Variants in MED27 observed in about 807,000 individuals in gnomAD.
MED27 encodes mediator complex subunit 27.
A neutral mutation model predicts 38.2 loss-of-function variants in MED27; 30 were observed. That is an observed-to-expected ratio of 0.79 (90% confidence interval 0.59 to 1.07). MED27 has a LOEUF of 1.07. MED27 is among the 50% of genes least tolerant of loss of function. MED27 has a pLI of 0.00. For synonymous variants in MED27, 122 were observed against 153.5 expected (o/e 0.79, Z 1.52); for missense variants, 289 against 397.5 (o/e 0.73, Z 2.32).
chr9:132,032,843 C>T (rs1367933798), intron 2 of MED27, among the ~76,000 whole-genome samples: 2 of 151,934 alleles, frequency 1.3e-5, no homozygotes, highest in Non-Finnish European at 2.9e-5. Flanking sequence ...ATGGGGATCA[C>T]CTAGTCCCGC....
chr9:131,863,202 A>G, intron 6 of MED27, 62 bp from the exon 7 acceptor site: 1 of 1,353,466 alleles, frequency 7.4e-7, no homozygotes, highest in Non-Finnish European at 1.1e-6. Flanking sequence ...GAAAACAAGC[A>G]GGACAAATGC....
At chr9:131,943,903 A>G (rs1830834005) in intron 3 of MED27, among the ~76,000 whole-genome samples, 1 of 152,202 alleles carries the variant, frequency 6.6e-6, no homozygotes, top group Admixed American at 6.5e-5. Context: ...GATTCAAATC[A>G]AGGTATGATC....
At chr9:131,882,065 CTCTT>C (rs1485797234) in intron 6 of MED27, among the ~76,000 whole-genome samples, 1 of 152,034 alleles carries the variant, frequency 6.6e-6, no homozygotes, top group Non-Finnish European at 1.5e-5. Flanking sequence ...CATTAGTAAC[CTCTT>C]TCTGTTTCAG....
intron 3 of MED27, among the ~76,000 whole-genome samples, chr9:132,001,285 G>A (rs1383229213): frequency 6.6e-6 from 1 of 152,072 alleles, no homozygotes; most frequent in Admixed American, 6.6e-5. Flanking sequence ...TTATGTTTGA[G>A]TAAGGTGATA....
At chr9:132,037,846 G>A (rs746122276) in intron 2 of MED27, among the ~76,000 whole-genome samples, 2 of 152,054 alleles carry the variant, frequency 1.3e-5, no homozygotes, top group East Asian at 1.9e-4. Flanking sequence ...AACATGTCCC[G>A]ACCCCAGACA....
At chr9:132,037,050 G>C (rs1213500146) in intron 2 of MED27, among the ~76,000 whole-genome samples, 2 of 152,180 alleles carry the variant, frequency 1.3e-5, no homozygotes, top group Non-Finnish European at 2.9e-5. Flanking sequence ...TAAAGAAAAT[G>C]AAAGAAGCTG....
intron 2 of MED27, among the ~76,000 whole-genome samples, chr9:132,020,458 C>T (rs1292393593): frequency 3.3e-5 from 5 of 152,150 alleles, no homozygotes; most frequent in East Asian, 1.9e-4. Context: ...ATGTGTGTTG[C>T]GACACTGCAA....
At chr9:131,976,041 T>C (rs1017048917) in intron 3 of MED27, among the ~76,000 whole-genome samples, 2 of 151,988 alleles carry the variant, frequency 1.3e-5, no homozygotes, top group African/African-American at 2.4e-5. Flanking sequence ...GGGTGTGAGG[T>C]AGGCAGTTTT....
chr9:131,989,978 C>T (rs1200306698), intron 3 of MED27, among the ~76,000 whole-genome samples: 1 of 152,150 alleles, frequency 6.6e-6, no homozygotes, highest in African/African-American at 2.4e-5. Context: ...CTTCAGCTTG[C>T]AACCAAGGCA....
chr9:132,022,254 G>A (rs969552892), intron 2 of MED27, among the ~76,000 whole-genome samples: 2 of 152,142 alleles, frequency 1.3e-5, no homozygotes, highest in African/African-American at 4.8e-5. Flanking sequence ...AGCTAAGGTT[G>A]AACCACCCCA....
At chr9:131,945,359 A>G (rs1234889428) in intron 3 of MED27, among the ~76,000 whole-genome samples, 1 of 152,040 alleles carries the variant, frequency 6.6e-6, no homozygotes, top group Non-Finnish European at 1.5e-5. Context: ...GTTTTGAAAT[A>G]TGCATATATT....
intron 2 of MED27, among the ~76,000 whole-genome samples, chr9:132,055,073 C>T (rs1329202399): frequency 6.6e-6 from 1 of 152,186 alleles, no homozygotes; most frequent in African/African-American, 2.4e-5. Context: ...TCCTTGCTGT[C>T]CCCCTCACTG....
At chr9:131,971,166 T>C (rs1230436448) in intron 3 of MED27, among the ~76,000 whole-genome samples, 1 of 152,200 alleles carries the variant, frequency 6.6e-6, no homozygotes, top group Non-Finnish European at 1.5e-5. Flanking sequence ...TGGGGGATTA[T>C]CCCATGGGAG....
At chr9:131,988,325 A>G (rs1831898067) in intron 3 of MED27, among the ~76,000 whole-genome samples, 1 of 152,000 alleles carries the variant, frequency 6.6e-6, no homozygotes, top group Non-Finnish European at 1.5e-5. Flanking sequence ...TGAAAAAATA[A>G]AAAAAAAGAA....
At chr9:131,998,481 A>C (rs1241652387) in intron 3 of MED27, among the ~76,000 whole-genome samples, 3 of 152,136 alleles carry the variant, frequency 2.0e-5, no homozygotes, top group Non-Finnish European at 4.4e-5. Context: ...CTATGAAATG[A>C]GGGTAGAAAG....
chr9:132,054,456 A>G (rs1418420313), intron 2 of MED27, among the ~76,000 whole-genome samples: 1 of 152,150 alleles, frequency 6.6e-6, no homozygotes, highest in Admixed American at 6.5e-5. Flanking sequence ...GTCTCACTCT[A>G]TTACCCAGGC....
chr9:131,863,315 G>C lies in MED27; in HGVS notation c.724-175C>G, dbSNP rs3802352. Among the ~76,000 whole-genome samples the C allele has an allele frequency of 1.4e-3, 209 of 152,348 alleles. 1 individual carries two copies. The highest frequency in any genetic ancestry group is 8.5e-3 in the East Asian group (44 of 5,180). On this transcript the variant is annotated intron_variant, in intron 6 of 7. Coordinates refer to ENST00000292035, the MANE Select transcript of MED27 (RefSeq NM_004269.4). ...AGTTAGCAGAGTTGGGGACCCAGAG[G>C]GGGAGAAGAGGCATGCTGTCGGCAG...
chr9:131,944,095 T>C (rs1303797270), intron 3 of MED27, among the ~76,000 whole-genome samples: 1 of 152,188 alleles, frequency 6.6e-6, no homozygotes, highest in Non-Finnish European at 1.5e-5. Context: ...ACATCTCCGC[T>C]GCATCAGAAA....
Position 132,079,722 on chromosome 9 carries a change from G to T in MED27, c.123C>A (p.Asn41Lys). ...TCTCCCGGCCCTCCAGCGTCTCCTT[G>T]TTCCGCATCCCATCCTTCAGGCAGT... ...VFDCLKDGMR[N>K]KETLEGREKA... Residue 41 changes from asparagine (N) to lysine (K), a missense_variant, in exon 1 of 8, where the codon AAC (asparagine) becomes AAA (lysine). Physicochemically the swap from Asn to Lys is moderately conservative, Grantham distance 94. Transcript: ENST00000292035. 1 of 1,613,950 alleles carries T rather than the reference G, an allele frequency of 6.2e-7. No homozygotes were observed. The highest frequency in any genetic ancestry group is 8.5e-7 in the Non-Finnish European group (1 of 1,179,950).
Sources: allele counts gnomAD v4.1 joint callset (sites outside exome capture counted in the v4.1 genomes callset), GRCh38; gene constraint gnomAD v4.1.1; transcripts MANE v1.5; gene names NCBI Gene and HGNC (gene_info 2026-07-23, HGNC 2026-07-21).